UGT1A1: variants seen among roughly 807,000 people sequenced by gnomAD.
UGT1A1 encodes the protein UDP-glucuronosyltransferase 1A1.
A neutral mutation model predicts 40.6 loss-of-function variants in UGT1A1; 33 were observed. That is an observed-to-expected ratio of 0.81 (90% CI 0.62 to 1.09). The LOEUF (loss-of-function observed/expected upper bound fraction) is 1.09, where lower values mean the gene tolerates loss of function less well. Ranked by LOEUF, UGT1A1 falls within the 50% of genes least tolerant of loss-of-function variation. The pLI, the probability that UGT1A1 is intolerant of heterozygous loss-of-function variation, is 0.00. For synonymous variants in UGT1A1, 249 were observed against 265.0 expected (o/e 0.94, Z 0.59); for missense variants, 694 against 671.2 (o/e 1.03, Z -0.38).
At chr2:233,763,527 CT>C (rs1248792225) in intron 1 of UGT1A1, among the ~76,000 whole-genome samples, 2 of 152,146 alleles carry the variant, frequency 1.3e-5, no homozygotes, top group African/African-American at 4.8e-5. Context: ...TGCCATTCTC[CT>C]TTTTCCGGAT....
In UGT1A1 at chr2:233,767,150, C is replaced by A. The variant is rs1699320624; in HGVS notation, c.981C>A (p.Gly327=). 4 of 1,613,942 alleles carry A rather than the reference C, an allele frequency of 2.5e-6. No individual in the cohort carries two copies. The highest frequency in any genetic ancestry group is 1.6e-4 in the Middle Eastern group (1 of 6,082). Residue 327 remains glycine (G), a synonymous_variant, in exon 2 of 5, where the codon GGC becomes GGA. Coordinates refer to ENST00000305208, the MANE Select transcript of UGT1A1 (RefSeq NM_000463.3). The part of the protein sequence containing the change: ...KKAMAIADAL[G]KIPQTVLWRY... ...CTATGGCAATTGCTGATGCTTTGGG[C>A]AAAATCCCTCAGACAGTAAGAAGAT...
intron 4 of UGT1A1, among the ~76,000 whole-genome samples, chr2:233,768,739 C>T (rs542073297): frequency 1.3e-5 from 2 of 151,854 alleles, no homozygotes; most frequent in African/African-American, 4.8e-5. Context: ...TCCACCACCA[C>T]GCCCGGTTAA....
In UGT1A1 at chr2:233,772,247, T is replaced by C. The variant is rs192933567; in HGVS notation, c.1305-15T>C. The C allele has an allele frequency of 3.1e-6, 5 of 1,614,090 alleles. No individual in the cohort carries two copies. In the African/African-American group the frequency reaches 5.3e-5, roughly 17 times the overall value. On this transcript the variant is annotated splice_polypyrimidine_tract_variant and intron_variant, in intron 4 of 4. Transcript: ENST00000305208. ...ACAGGTGTTCCAGGCATAACGAAAC[T>C]GTCTTTGTGTTTAGTTACAAGGAGA...
In UGT1A1 at chr2:233,769,397, A is replaced by C; in HGVS notation, c.1304+958A>C. 1 of 1,148,656 alleles carries C rather than the reference A, an allele frequency of 8.7e-7. No individual in the cohort carries two copies. The allele number at this position is 1,148,656 out of a possible 1,614,324, so 71.2% of individuals were successfully genotyped here. ...TCATCCGACAATAGATACTGTGTGC[A>C]TATGTGCGTGTGCGTTTGTGCATGT... On this transcript the variant is annotated intron_variant, in intron 4 of 4. Transcript: ENST00000305208. This position sits in a 1 kb window ranked among gnomAD's most constrained non-coding sequence, Gnocchi z 4.4.
chr2:233,767,164 C>T lies in UGT1A1; in HGVS notation c.995C>T (p.Thr332Ile). 1.2e-6 allele frequency: 2 copies of T among 1,614,090 alleles called. No individual in the cohort carries two copies. The highest frequency in any genetic ancestry group is 1.7e-6 in the Non-Finnish European group (2 of 1,180,006). Reference sequence around the variant, plus strand: ...GATGCTTTGGGCAAAATCCCTCAGACAGTAAGAAGATTCTATACCATGGCC... The same window carrying T: ...GATGCTTTGGGCAAAATCCCTCAGATAGTAAGAAGATTCTATACCATGGCC... ...IADALGKIPQTVLWRYTGTRP... is the reference protein window; with the variant it reads ...IADALGKIPQIVLWRYTGTRP... Residue 332 changes from threonine to isoleucine, a missense_variant and splice_region_variant, in exon 2 of 5, where the codon ACA (threonine) becomes ATA (isoleucine). By Grantham distance (89) the Thr-to-Ile change is moderately conservative. Transcript: ENST00000305208.
chr2:233,760,379 T>G lies in UGT1A1; in HGVS notation c.92T>G (p.Leu31Arg). The change falls in exon 1 of 5, where the codon CTG becomes CGG. Residue 31 changes from leucine (L) to arginine (R), a missense_variant. Transcript: ENST00000305208. Reference sequence around the variant, plus strand: ...GTGGTGTCCCATGCTGGGAAGATACTGTTGATCCCAGTGGATGGCAGCCAC... The same window carrying G: ...GTGGTGTCCCATGCTGGGAAGATACGGTTGATCCCAGTGGATGGCAGCCAC... Reference protein sequence around the residue: ...GPVVSHAGKILLIPVDGSHWL... With the variant: ...GPVVSHAGKIRLIPVDGSHWL... 6.2e-7 allele frequency: 1 copy of G among 1,614,196 alleles called. No homozygotes were observed. Among genetic ancestry groups the G allele is most frequent in the Non-Finnish European group, 8.5e-7 (1 of 1,180,016 alleles).
At chr2:233,768,071 G>T in intron 3 of UGT1A1, 135 bp downstream of exon 3, 1 of 1,595,002 alleles carries the variant, frequency 6.3e-7, no homozygotes, top group Non-Finnish European at 8.6e-7. Flanking sequence ...TTTATCTAGT[G>T]GGGTATCTCA....
chr2:233,763,382 T>G (rs1698295022), intron 1 of UGT1A1, among the ~76,000 whole-genome samples: 1 of 152,252 alleles, frequency 6.6e-6, no homozygotes, highest in South Asian at 2.1e-4. Context: ...GCTTTCTTCC[T>G]TTTTAAACAA....
intron 1 of UGT1A1, among the ~76,000 whole-genome samples, chr2:233,765,317 T>G (rs984736516): frequency 1.3e-5 from 2 of 152,240 alleles, no homozygotes; most frequent in Non-Finnish European, 2.9e-5. Flanking sequence ...ATTTGTTTAT[T>G]GCAGCACTAT....
chr2:233,761,003 A>G lies in UGT1A1; in HGVS notation c.716A>G (p.Gln239Arg). Residue 239 changes from glutamine (Q) to arginine (R), a missense_variant, in exon 1 of 5, where the codon CAG becomes CGG. Coordinates refer to ENST00000305208, the MANE Select transcript of UGT1A1 (RefSeq NM_000463.3). ...PYATLASEFLQREVTVQDLLS... is the reference protein window; with the variant it reads ...PYATLASEFLRREVTVQDLLS... ...GCAACCCTTGCCTCAGAATTCCTTC[A>G]GAGAGAGGTGACTGTCCAGGACCTA... The G allele has an allele frequency of 6.2e-7, 1 of 1,614,128 alleles. No homozygotes were observed.
At chr2:233,768,072 G>T in intron 3 of UGT1A1, 136 bp downstream of exon 3, 2 of 1,594,474 alleles carry the variant, frequency 1.3e-6, no homozygotes, top group South Asian at 2.2e-5. Context: ...TTATCTAGTG[G>T]GGTATCTCAA....
At chr2:233,765,660 C>G (rs1450693381) in intron 1 of UGT1A1, among the ~76,000 whole-genome samples, 1 of 151,428 alleles carries the variant, frequency 6.6e-6, no homozygotes, top group South Asian at 2.1e-4. Flanking sequence ...GTGCAGCAAA[C>G]CACCATGGCA....
Position 233,772,359 on chromosome 2 carries a change from C to T in UGT1A1, c.1402C>T (p.His468Tyr), listed in dbSNP as rs1559420158. 1 of 1,614,248 alleles carries T rather than the reference C, an allele frequency of 6.2e-7. No individual in the cohort carries two copies. The highest frequency in any genetic ancestry group is 8.5e-7 in the Non-Finnish European group (1 of 1,180,052). ...GTTCTGGGTGGAGTTTGTGATGAGG[C>T]ACAAGGGCGCGCCACACCTGCGCCC... ...AVFWVEFVMR[H>Y]KGAPHLRPAA... Residue 468 changes from histidine (H) to tyrosine (Y), a missense_variant, in exon 5 of 5, where the codon CAC (histidine) becomes TAC (tyrosine). His to Tyr is a moderately conservative substitution (Grantham distance 83). Coordinates refer to ENST00000305208, the MANE Select transcript of UGT1A1 (RefSeq NM_000463.3).
Position 233,769,751 on chromosome 2 carries a change from AG to A in UGT1A1, c.1304+1314del. 1 of 1,422,830 alleles carries A rather than the reference AG, an allele frequency of 7.0e-7. No homozygotes were observed. Among genetic ancestry groups the A allele is most frequent in the South Asian group, 1.5e-5 (1 of 65,502 alleles). 88.1% of individuals were successfully genotyped at this position (1,422,830 alleles called of 1,614,324 possible). On this transcript the variant is annotated intron_variant, in intron 4 of 4. Coordinates refer to ENST00000305208, the MANE Select transcript of UGT1A1 (RefSeq NM_000463.3). This position sits in a 1 kb window ranked among gnomAD's most constrained non-coding sequence, Gnocchi z 4.4. ...ACGCCTGTAGTCCCAGCCACTCTGGAGGCTAAGGCGGGAGGATTGCTTGAGC... is the reference window on the plus strand; with the variant it reads ...ACGCCTGTAGTCCCAGCCACTCTGGAGCTAAGGCGGGAGGATTGCTTGAGC...
chr2:233,769,535 A>C lies in UGT1A1; in HGVS notation c.1304+1096A>C, dbSNP rs573901660. 3.1e-6 allele frequency: 5 copies of C among 1,612,920 alleles called. No homozygotes were observed. The highest frequency in any genetic ancestry group is 1.7e-5 in the Admixed American group (1 of 60,014). ...TCCCATGGTTACCTCCTTTAGAAAG[A>C]AGCAGCAGTCAGGAAGACAGATGTG... On this transcript the variant is annotated intron_variant, in intron 4 of 4. Coordinates refer to ENST00000305208, the MANE Select transcript of UGT1A1 (RefSeq NM_000463.3). The surrounding 1 kb of genome is among the most constrained non-coding windows in gnomAD (Gnocchi z 4.4).
In UGT1A1 at chr2:233,772,448, C is replaced by T. The variant is rs199539868; in HGVS notation, c.1491C>T (p.Ala497=). The change falls in exon 5 of 5, where the codon GCC becomes GCT. Residue 497 remains alanine (A), a synonymous_variant. Transcript: ENST00000305208. ...HSLDVIGFLL[A]VVLTVAFITF... The stretch of plus-strand genomic sequence containing the variant: ...TGGACGTGATTGGTTTCCTCTTGGC[C>T]GTCGTGCTGACAGTGGCCTTCATCA... 42 of 1,614,180 alleles carry T rather than the reference C, an allele frequency of 2.6e-5. No homozygotes were observed. In the East Asian group the frequency reaches 7.4e-4, roughly 28 times the overall value.
In UGT1A1 at chr2:233,760,414, AT is replaced by A; in HGVS notation, c.128del (p.Met43SerfsTer15). The A allele has an allele frequency of 6.2e-7, 1 of 1,614,212 alleles. No homozygotes were observed. The highest frequency in any genetic ancestry group is 8.5e-7 in the Non-Finnish European group (1 of 1,180,028). On this transcript the variant is annotated frameshift_variant, in exon 1 of 5. Coordinates refer to ENST00000305208, the MANE Select transcript of UGT1A1 (RefSeq NM_000463.3). LOFTEE classifies it high-confidence loss of function. ...IPVDGSHWLS[M>X]LGAIQQLQQR... ...AGTGGATGGCAGCCACTGGCTGAGC[AT>A]GCTTGGGGCCATCCAGCAGCTGCAG...
rs112908387 is a variant in UGT1A1, at chr2:233,772,904, C to T, written c.*345C>T. On this transcript the variant is annotated 3_prime_UTR_variant, in exon 5 of 5. Transcript: ENST00000305208. ...GATTCAAAGGTGGTCCCACGGCTGCCCCTACTGCAAATGGCAGTTTTAATC... is the reference window on the plus strand; with the variant it reads ...GATTCAAAGGTGGTCCCACGGCTGCTCCTACTGCAAATGGCAGTTTTAATC... 5 of 414,970 alleles carry T rather than the reference C, an allele frequency of 1.2e-5. No individual in the cohort carries two copies. The highest frequency in any genetic ancestry group is 6.1e-5 in the African/African-American group (3 of 48,900). 25.7% of individuals were successfully genotyped at this position (414,970 alleles called of 1,614,324 possible).
intron 4 of UGT1A1, chr2:233,771,560 G>A (rs1700329109): frequency 6.6e-6 from 1 of 152,164 alleles, no homozygotes; most frequent in South Asian, 2.1e-4. Flanking sequence ...TGTTAATTTG[G>A]CCAGAGGTGG....
Sources: gnomAD v4.1 joint callset for allele counts (sites outside exome capture counted in the v4.1 genomes callset) on GRCh38, gnomAD v4.1.1 for gene constraint, Gnocchi (gnomAD v3.1) non-coding constraint, MANE v1.5 for transcripts, NCBI Gene and HGNC (gene_info 2026-07-23, HGNC 2026-07-21) for gene names.